NYAP2: variants seen among roughly 807,000 people sequenced by gnomAD.
NYAP2 encodes the protein neuronal tyrosine-phosphorylated phosphoinositide-3-kinase adaptor 2, also known as neuronal tyrosine-phosphorylated phosphoinositide-3-kinase adapter 2.
In NYAP2, 23 loss-of-function variants were observed where a neutral mutation model predicts 50.4. The observed-to-expected ratio is 0.46, with a 90% CI of 0.33 to 0.65. The LOEUF (loss-of-function observed/expected upper bound fraction) is 0.65. Among genes scored for constraint, NYAP2 ranks in the 30% least tolerant of loss-of-function variants. NYAP2 has a pLI of 0.02. For missense variants in NYAP2, 885 were observed against 861.0 expected (o/e 1.03, Z -0.35); for synonymous variants, 394 against 365.2 (o/e 1.08, Z -0.90).
chr2:225,521,780 T>TAAC, intron 4 of NYAP2, among the ~76,000 whole-genome samples: 1 of 152,240 alleles, frequency 6.6e-6, no homozygotes, highest in East Asian at 1.9e-4. Flanking sequence ...AGGATGATGC[T>TAAC]AACCTCATAA....
At chr2:225,439,769 G>T (rs1689442029) in intron 3 of NYAP2, among the ~76,000 whole-genome samples, 1 of 152,228 alleles carries the variant, frequency 6.6e-6, no homozygotes, top group Non-Finnish European at 1.5e-5. Context: ...CTGCTATGAA[G>T]AAATACCTGA....
At chr2:225,660,621 A>C in the NYAP2 span, among the ~76,000 whole-genome samples, 2 of 152,166 alleles carry the variant, frequency 1.3e-5, no homozygotes, top group African/African-American at 4.8e-5. Context: ...GAAACACAGC[A>C]TAACACTAGG....
At chr2:225,420,976 G>A (rs1319969883) in intron 3 of NYAP2, among the ~76,000 whole-genome samples, 1 of 151,632 alleles carries the variant, frequency 6.6e-6, no homozygotes, top group African/African-American at 2.4e-5. Context: ...AGGCTGGAGT[G>A]CAGTGGCACA....
chr2:225,582,700 G>T lies in NYAP2; in HGVS notation c.1283G>T (p.Gly428Val). 6.2e-7 allele frequency: 1 copy of T among 1,606,658 alleles called. No individual in the cohort carries two copies. ...CTGTACCGAACCCAGTCTCCCCATG[G>T]CTACCCTAAAAGTCACTCCACCTCT... Residue 428 changes from glycine (G) to valine (V), a missense_variant, in exon 5 of 7, where the codon GGC becomes GTC. Coordinates refer to ENST00000636099, the Ensembl canonical transcript of NYAP2. The surrounding 1 kb of genome is among the most constrained non-coding windows in gnomAD (Gnocchi z 7.0).
chr2:225,476,447 G>T (rs1454014293), intron 3 of NYAP2, among the ~76,000 whole-genome samples: 2 of 151,756 alleles, frequency 1.3e-5, no homozygotes, highest in Admixed American at 1.3e-4. Flanking sequence ...TAAAAAATAT[G>T]CCAGGTTTTT....
the NYAP2 span, among the ~76,000 whole-genome samples, chr2:225,666,893 A>G: frequency 2.1e-5 from 3 of 141,982 alleles, no homozygotes; most frequent in African/African-American, 8.3e-5. Flanking sequence ...GCTTTGCAGG[A>G]CCATTTCAAA....
At chr2:225,438,633 A>C (rs1689421709) in intron 3 of NYAP2, among the ~76,000 whole-genome samples, 2 of 152,256 alleles carry the variant, frequency 1.3e-5, no homozygotes. Flanking sequence ...TCTTTAAAAT[A>C]GCATCATCAG....
At chr2:225,654,247 C>A (rs1693788133), downstream of NYAP2, among the ~76,000 whole-genome samples, 1 of 152,050 alleles carries the variant, frequency 6.6e-6, no homozygotes, top group Non-Finnish European at 1.5e-5. Context: ...CTAGCACTAT[C>A]AAACAAACAA....
exon 4 of NYAP2, chr2:225,513,513 C>T: frequency 6.2e-7 from 1 of 1,613,812 alleles, no homozygotes; most frequent in Non-Finnish European, 8.5e-7. Context: ...ACAGTCCCTG[C>T]ACTCGGTTGG....
chr2:225,546,968 G>A (rs533290223), intron 4 of NYAP2, among the ~76,000 whole-genome samples: 1 of 152,126 alleles, frequency 6.6e-6, no homozygotes, highest in East Asian at 1.9e-4. Flanking sequence ...CCCAGAGTGT[G>A]TCTAGAAAGG....
intron 2 of NYAP2, among the ~76,000 whole-genome samples, chr2:225,403,957 A>C (rs1344506868): frequency 6.6e-6 from 1 of 152,004 alleles, no homozygotes; most frequent in Non-Finnish European, 1.5e-5. Flanking sequence ...GAGAAAAGAA[A>C]TGCTTAACCA....
intron 4 of NYAP2, among the ~76,000 whole-genome samples, chr2:225,521,726 T>G (rs1276887473): frequency 2.0e-5 from 3 of 152,064 alleles, no homozygotes; most frequent in African/African-American, 7.2e-5. Flanking sequence ...GATATTGGTC[T>G]AAAATTCTCT....
intron 4 of NYAP2, among the ~76,000 whole-genome samples, chr2:225,557,531 T>C (rs1199875991): frequency 6.6e-6 from 1 of 152,152 alleles, no homozygotes. Context: ...ATAAATATAA[T>C]TTCAGATATT....
At chr2:225,468,577 A>G (rs182976870) in intron 3 of NYAP2, among the ~76,000 whole-genome samples, 110 of 152,326 alleles carry the variant, frequency 7.2e-4, no homozygotes, top group Non-Finnish European at 1.4e-3. Context: ...TGGCATTCAG[A>G]TTAAGAGTGT....
At chr2:225,556,279 C>A (rs1024593872) in intron 4 of NYAP2, among the ~76,000 whole-genome samples, 1 of 152,064 alleles carries the variant, frequency 6.6e-6, no homozygotes, top group African/African-American at 2.4e-5. Context: ...TATACTTACA[C>A]CATATACAAT....
At chr2:225,492,775 CT>C (rs1028738279) in intron 3 of NYAP2, among the ~76,000 whole-genome samples, 13 of 151,996 alleles carry the variant, frequency 8.6e-5, no homozygotes, top group African/African-American at 3.1e-4. Flanking sequence ...ATGCCACATA[CT>C]TTTAACAACC....
At chr2:225,490,543 G>A (rs868563918) in intron 3 of NYAP2, among the ~76,000 whole-genome samples, 2 of 152,156 alleles carry the variant, frequency 1.3e-5, no homozygotes, top group African/African-American at 4.8e-5. Flanking sequence ...AATTTTATAA[G>A]TAGCAGCTAC....
At chr2:225,449,601 CTTTTTTTTTTTTTTT>C (rs201552006) in intron 3 of NYAP2, among the ~76,000 whole-genome samples, 2 of 96,314 alleles carry the variant, frequency 2.1e-5, no homozygotes, top group East Asian at 6.1e-4. Context: ...CTCTCTTTCT[CTTTTTTTTTTTTTTT>C]TTTTTTTTTT....
chr2:225,517,782 A>C (rs763693815), intron 4 of NYAP2, among the ~76,000 whole-genome samples: 2 of 152,178 alleles, frequency 1.3e-5, no homozygotes, highest in African/African-American at 2.4e-5. Flanking sequence ...ATGCACACCC[A>C]CTTTGCATGT....
Sources: gnomAD v4.1 joint callset for allele counts (sites outside exome capture counted in the v4.1 genomes callset) on GRCh38, gnomAD v4.1.1 for gene constraint, Gnocchi (gnomAD v3.1) non-coding constraint, MANE v1.5 for transcripts, NCBI Gene and HGNC (gene_info 2026-07-23, HGNC 2026-07-21) for gene names.